The following ERCC6L variants were observed in gnomAD, a reference collection of about 807,000 sequenced individuals.
ERCC6L encodes the protein ERCC excision repair 6 like, spindle assembly checkpoint helicase.
A neutral mutation model predicts 20.1 loss-of-function variants in ERCC6L; 7 were observed. That is an observed-to-expected ratio of 0.35 (90% confidence interval 0.20 to 0.65). ERCC6L has a LOEUF of 0.65. ERCC6L is among the 30% of genes least tolerant of loss of function. The pLI is 0.69. For missense variants in ERCC6L, 592 were observed against 892.4 expected, an observed-to-expected ratio of 0.66 and a Z score of 4.29; for synonymous variants, 278 against 331.3, an observed-to-expected ratio of 0.84 and a Z score of 1.75.
Position 72,208,134 on chromosome X carries a change from T to C in ERCC6L, c.633A>G (p.Gln211=), listed in dbSNP as rs779662839. 3.3e-6 allele frequency: 4 copies of C among 1,209,940 alleles called. No individual in the cohort carries two copies. The highest frequency in any genetic ancestry group is 4.5e-6 in the Non-Finnish European group (4 of 895,223). Residue 211 remains glutamine (Q), a synonymous_variant, in exon 2 of 2, where the codon CAA becomes CAG. Coordinates refer to ENST00000334463, the MANE Select transcript of ERCC6L (RefSeq NM_017669.4). Reference sequence around the variant, plus strand: ...ACTCTTGGCCCCTAAAGCTTGAAAGTTGCTGCCAGTTATTGATTAACATTT... The same window carrying C: ...ACTCTTGGCCCCTAAAGCTTGAAAGCTGCTGCCAGTTATTGATTAACATTT... ...TYQMLINNWQ[Q]LSSFRGQEFV...
At chrX:72,209,338 C>T (rs891916787) in intron 1 of ERCC6L, among the ~76,000 whole-genome samples, 4 of 112,049 alleles carry the variant, frequency 3.6e-5, no homozygotes, top group Non-Finnish European at 5.6e-5. Flanking sequence ...ACTCTAGACC[C>T]ATATTCCAGC....
intron 1 of ERCC6L, among the ~76,000 whole-genome samples, chrX:72,211,788 TAAAA>T (rs1218078276): frequency 6.1e-5 from 6 of 98,151 alleles, no homozygotes; most frequent in Admixed American, 2.2e-4. Context: ...GTTTCAAAAA[TAAAA>T]AAAAAAAGAA....
At chrX:72,233,721 C>CAAAAAAAAAAAAA (rs35310682) in intron 1 of ERCC6L, among the ~76,000 whole-genome samples, 5 of 89,703 alleles carry the variant, frequency 5.6e-5, no homozygotes, top group African/African-American at 1.8e-4. Flanking sequence ...GACTCCGTCT[C>CAAAAAAAAAAAAA]AAAAAAAAAA....
intron 1 of ERCC6L, among the ~76,000 whole-genome samples, chrX:72,229,023 G>A (rs948307954): frequency 6.3e-5 from 7 of 110,997 alleles, no homozygotes; most frequent in Non-Finnish European, 9.4e-5. Flanking sequence ...CACCCTGGTC[G>A]GCAATTATCC....
chrX:72,226,677 T>C (rs1216346202), intron 1 of ERCC6L, among the ~76,000 whole-genome samples: 2 of 111,591 alleles, frequency 1.8e-5, no homozygotes, highest in Non-Finnish European at 3.8e-5. Flanking sequence ...AGGCTGAGTA[T>C]TGGGCAAAAC....
intron 1 of ERCC6L, among the ~76,000 whole-genome samples, chrX:72,221,314 A>G (rs995516408): frequency 3.6e-5 from 4 of 112,064 alleles, no homozygotes; most frequent in African/African-American, 9.7e-5. Context: ...TCACGGTACC[A>G]GGAAAAGTTA....
chrX:72,222,658 C>T (rs1041090562), intron 1 of ERCC6L, among the ~76,000 whole-genome samples: 1 of 103,480 alleles, frequency 9.7e-6, no homozygotes, highest in Non-Finnish European at 2.0e-5. Flanking sequence ...AACGCAGTAG[C>T]GCGATCTCAG....
intron 1 of ERCC6L, among the ~76,000 whole-genome samples, chrX:72,233,147 AG>A (rs748023671): frequency 9.0e-6 from 1 of 111,700 alleles, no homozygotes; most frequent in Non-Finnish European, 1.9e-5. Context: ...AAAGTAGGAA[AG>A]TCAGATGTTA....
Position 72,207,788 on chromosome X carries a change from T to G in ERCC6L, c.979A>C (p.Arg327=), listed in dbSNP as rs1004045390. Residue 327 remains arginine (R), a synonymous_variant, in exon 2 of 2, where the codon AGG becomes CGG. Coordinates refer to ENST00000334463, the MANE Select transcript of ERCC6L (RefSeq NM_017669.4). ...LMAIIKPYFL[R]RTKEDVQKKK... ...TTCTGTACGTCTTCTTTAGTCCTCCTGAGAAAATAGGGTTTTATGATTGCC... is the reference window on the plus strand; with the variant it reads ...TTCTGTACGTCTTCTTTAGTCCTCCGGAGAAAATAGGGTTTTATGATTGCC... The G allele has an allele frequency of 1.7e-6, 2 of 1,210,539 alleles. No homozygotes were observed. The highest frequency in any genetic ancestry group is 2.2e-6 in the Non-Finnish European group (2 of 895,198).
At chrX:72,210,915 T>C (rs1266035714) in intron 1 of ERCC6L, among the ~76,000 whole-genome samples, 2 of 112,025 alleles carry the variant, frequency 1.8e-5, no homozygotes, top group East Asian at 5.6e-4. Flanking sequence ...ATCTCAGCTC[T>C]TCCTTTCCCC....
chrX:72,231,470 G>C (rs2042983026), intron 1 of ERCC6L, among the ~76,000 whole-genome samples: 1 of 111,115 alleles, frequency 9.0e-6, no homozygotes, highest in South Asian at 3.8e-4. Context: ...TAAACAGGAG[G>C]AATAGGTTCT....
At chrX:72,219,701 T>A (rs182771131) in intron 1 of ERCC6L, among the ~76,000 whole-genome samples, 2,980 of 108,041 alleles carry the variant, frequency 0.028, 71 homozygotes, top group African/African-American at 0.082. Flanking sequence ...TACAAAAAAA[T>A]TAGCGGGCGT....
chrX:72,213,475 A>C (rs1476750046), intron 1 of ERCC6L, among the ~76,000 whole-genome samples: 1 of 111,280 alleles, frequency 9.0e-6, no homozygotes, highest in Non-Finnish European at 1.9e-5. Flanking sequence ...CACTCTATTA[A>C]ATCTTGCAAC....
At chrX:72,219,415 G>A (rs1468910970) in intron 1 of ERCC6L, among the ~76,000 whole-genome samples, 1 of 108,645 alleles carries the variant, frequency 9.2e-6, no homozygotes, top group Non-Finnish European at 1.9e-5. Context: ...TTAGCCGGGC[G>A]TGGTGGCCTG....
At chrX:72,215,244 A>G (rs1032634837) in intron 1 of ERCC6L, among the ~76,000 whole-genome samples, 6 of 111,781 alleles carry the variant, frequency 5.4e-5, no homozygotes, top group African/African-American at 1.6e-4. Context: ...ATGCCTGGGA[A>G]AGGGCGTGAG....
chrX:72,233,322 T>C (rs1162217241), intron 1 of ERCC6L, among the ~76,000 whole-genome samples: 2 of 111,847 alleles, frequency 1.8e-5, no homozygotes, highest in African/African-American at 6.5e-5. Context: ...CAAATCATTG[T>C]CATAGAAATA....
At chrX:72,212,225 C>T (rs1279441919) in intron 1 of ERCC6L, among the ~76,000 whole-genome samples, 1 of 110,253 alleles carries the variant, frequency 9.1e-6, no homozygotes, top group African/African-American at 3.3e-5. Context: ...GAGCCAAGAT[C>T]GCACCACTAC....
chrX:72,237,476 T>C (rs1602455415), intron 1 of ERCC6L, among the ~76,000 whole-genome samples: 1 of 111,313 alleles, frequency 9.0e-6, no homozygotes, highest in Non-Finnish European at 1.9e-5. Flanking sequence ...CGGGCGCCTG[T>C]AGTCCCAGCT....
At chrX:72,211,339 C>T (rs1466719160) in intron 1 of ERCC6L, among the ~76,000 whole-genome samples, 1 of 109,833 alleles carries the variant, frequency 9.1e-6, no homozygotes, top group Admixed American at 9.8e-5. Context: ...CCATAACCCT[C>T]AAGCAAGAGA....
Sources: allele counts gnomAD v4.1 joint callset (sites outside exome capture counted in the v4.1 genomes callset), GRCh38; gene constraint gnomAD v4.1.1; transcripts MANE v1.5; gene names NCBI Gene and HGNC (gene_info 2026-07-23, HGNC 2026-07-21).